RANBP2: variants seen among roughly 807,000 people sequenced by gnomAD.
RANBP2 encodes the protein RAN binding protein 2, also known as E3 SUMO-protein ligase RanBP2.
Under a neutral mutation model 303.6 loss-of-function variants are expected in RANBP2, and 57 were observed. That is an observed-to-expected ratio of 0.19 (90% confidence interval 0.15 to 0.23). The LOEUF (loss-of-function observed/expected upper bound fraction) is 0.23. Among genes scored for constraint, RANBP2 ranks in the 10% least tolerant of loss-of-function variants. The pLI is 1.00. For synonymous variants in RANBP2, 1,167 were observed against 1,301.5 expected (o/e 0.90, Z 2.23); for missense variants, 3,138 against 3,780.8 (o/e 0.83, Z 4.46).
the RANBP2 span, among the ~76,000 whole-genome samples, chr2:109,524,466 AC>A: frequency 0.43 from 35,271 of 82,318 alleles, 5,385 homozygotes; most frequent in Middle Eastern, 0.49. Context: ...AAAAAAAAAA[AC>A]AAAACAACAC....
the RANBP2 span, among the ~76,000 whole-genome samples, chr2:109,397,501 G>A: frequency 1.3e-5 from 2 of 152,158 alleles, no homozygotes; most frequent in Admixed American, 1.3e-4. Flanking sequence ...CCCCATATAG[G>A]TGTGCACTTA....
intron 4 of RANBP2, 59 bp from the exon 5 acceptor site, chr2:108,735,473 A>T: frequency 1.9e-6 from 3 of 1,597,290 alleles, no homozygotes; most frequent in Non-Finnish European, 1.7e-6. Flanking sequence ...TGGGAGCATG[A>T]CTTGTTTAAA....
the RANBP2 span, among the ~76,000 whole-genome samples, chr2:109,072,874 G>A: frequency 5.3e-5 from 8 of 151,972 alleles, no homozygotes; most frequent in African/African-American, 1.9e-4. Context: ...GTCTCCTGGG[G>A]CCACCAAGAA....
the RANBP2 span, among the ~76,000 whole-genome samples, chr2:108,903,338 G>A: frequency 0.02 from 3,079 of 152,144 alleles, 90 homozygotes; most frequent in African/African-American, 0.071. Flanking sequence ...CAGTTTTGTT[G>A]CAACTCATTA....
the RANBP2 span, among the ~76,000 whole-genome samples, chr2:108,841,217 T>C: frequency 2.0e-5 from 3 of 152,176 alleles, no homozygotes; most frequent in African/African-American, 7.2e-5. Flanking sequence ...GGTTGTTTTA[T>C]GGCTGAGAAT....
At chr2:108,835,559 C>T in the RANBP2 span, among the ~76,000 whole-genome samples, 1 of 152,134 alleles carries the variant, frequency 6.6e-6, no homozygotes, top group Non-Finnish European at 1.5e-5. Flanking sequence ...TAATGAATAA[C>T]CATAGTTTAA....
At chr2:109,181,889 C>T in the RANBP2 span, among the ~76,000 whole-genome samples, 3 of 151,992 alleles carry the variant, frequency 2.0e-5, no homozygotes, top group African/African-American at 7.3e-5. Context: ...TTAGTATATT[C>T]TCTGGTTTTC....
the RANBP2 span, chr2:109,733,011 G>A: frequency 1.7e-6 from 1 of 580,408 alleles, no homozygotes; most frequent in African/African-American, 1.9e-5. Context: ...GATGATTATT[G>A]TAGGAGGGGT....
At chr2:109,613,720 G>A in the RANBP2 span, 1 of 971,250 alleles carries the variant, frequency 1.0e-6, no homozygotes. Context: ...CGGACCAGGG[G>A]GCCGGTGGGT....
the RANBP2 span, among the ~76,000 whole-genome samples, chr2:108,852,222 T>C: frequency 1.3e-5 from 2 of 152,254 alleles, no homozygotes; most frequent in African/African-American, 2.4e-5. Context: ...CAGTATGTGA[T>C]GCTCAATCTC....
chr2:109,132,399 G>T, the RANBP2 span, among the ~76,000 whole-genome samples: 1 of 152,218 alleles, frequency 6.6e-6, no homozygotes, highest in East Asian at 1.9e-4. Context: ...GTGTTTTCCT[G>T]AACTCTTTAC....
At chr2:109,116,417 T>C in the RANBP2 span, among the ~76,000 whole-genome samples, 5 of 152,376 alleles carry the variant, frequency 3.3e-5, no homozygotes, top group East Asian at 9.6e-4. Context: ...TTCCAGTTGA[T>C]CACATCGGCT....
the RANBP2 span, among the ~76,000 whole-genome samples, chr2:109,422,301 G>T: frequency 6.6e-6 from 1 of 152,198 alleles, no homozygotes; most frequent in Non-Finnish European, 1.5e-5. Context: ...GCCATGGAAT[G>T]ACTTCAGGAG....
At position 108,764,725 on chromosome 2, in the gene RANBP2, A is replaced by C. The variant is rs1343678824; in HGVS notation, c.4186A>C (p.Thr1396Pro). 1 of 1,613,822 alleles carries C rather than the reference A, an allele frequency of 6.2e-7. No individual in the cohort carries two copies. The highest frequency in any genetic ancestry group is 1.3e-5 in the African/African-American group (1 of 74,864). The change falls in exon 20 of 29, where the codon ACT (threonine) becomes CCT (proline). Residue 1396 changes from threonine (T) to proline (P), a missense_variant. Physicochemically the swap from Thr to Pro is conservative, Grantham distance 38. Around this residue, in one of 20 missense-constraint regions of RANBP2, gnomAD observed 388 missense variants for 328.5 expected, o/e 1.18. Coordinates refer to ENST00000283195, the MANE Select transcript of RANBP2 (RefSeq NM_006267.5). ...VGPPLAETVF[T>P]PKTSPENVQD... is the part of the protein sequence containing the mutation. Reference sequence around the variant, plus strand: ...CCCACCATTAGCTGAAACTGTTTTTACTCCTAAAACCAGCCCAGAGAATGT... The same window carrying C: ...CCCACCATTAGCTGAAACTGTTTTTCCTCCTAAAACCAGCCCAGAGAATGT...
At chr2:109,172,832 GT>G in the RANBP2 span, among the ~76,000 whole-genome samples, 16 of 152,248 alleles carry the variant, frequency 1.1e-4, no homozygotes, top group Non-Finnish European at 1.5e-5. Flanking sequence ...GCCTCGACTG[GT>G]GAGTATTGTA....
At chr2:109,017,587 G>C in the RANBP2 span, among the ~76,000 whole-genome samples, 1 of 152,204 alleles carries the variant, frequency 6.6e-6, no homozygotes, top group South Asian at 2.1e-4. Flanking sequence ...GTGTTTCCTT[G>C]CCAAGTTTGG....
At chr2:109,271,704 C>G in the RANBP2 span, among the ~76,000 whole-genome samples, 1 of 152,214 alleles carries the variant, frequency 6.6e-6, no homozygotes, top group African/African-American at 2.4e-5. Context: ...CGAAGGGCCC[C>G]CCTCTGCCAA....
chr2:109,664,479 C>T, the RANBP2 span, among the ~76,000 whole-genome samples: 1 of 152,048 alleles, frequency 6.6e-6, no homozygotes, highest in African/African-American at 2.4e-5. Flanking sequence ...TGGCCGGCAC[C>T]TGTAATCCCA....
chr2:109,489,984 C>T, the RANBP2 span, among the ~76,000 whole-genome samples: 2 of 152,312 alleles, frequency 1.3e-5, no homozygotes, highest in East Asian at 1.9e-4. Flanking sequence ...GTGATCTGCC[C>T]ACCTTGGCCT....
Sources: allele counts gnomAD v4.1 joint callset (sites outside exome capture counted in the v4.1 genomes callset), GRCh38; gene constraint gnomAD v4.1.1; regional missense constraint gnomAD v4.1.1; transcripts MANE v1.5; gene names NCBI Gene and HGNC (gene_info 2026-07-23, HGNC 2026-07-21).